BFAR: variants seen among roughly 807,000 people sequenced by gnomAD.
BFAR encodes bifunctional apoptosis regulator, also known as RING finger protein 47.
BFAR carries 52 observed loss-of-function variants against 54.4 expected under a neutral mutation model. That is an observed-to-expected ratio of 0.96 (90% CI 0.77 to 1.21). BFAR has a LOEUF of 1.21. BFAR is among the 50% of genes most tolerant of loss of function. The pLI is 0.00. For synonymous variants in BFAR, 215 were observed against 204.3 expected, an observed-to-expected ratio of 1.05 and a Z score of -0.45; for missense variants, 571 against 534.0, an observed-to-expected ratio of 1.07 and a Z score of -0.68.
intron 2 of BFAR, among the ~76,000 whole-genome samples, chr16:14,646,232 T>C (rs1244299284): frequency 6.6e-6 from 1 of 152,112 alleles, no homozygotes; most frequent in East Asian, 1.9e-4. Context: ...TTTGTATTTT[T>C]AGTAGAGACG....
At position 14,667,906 on chromosome 16, in the gene BFAR, C is replaced by T. The variant is rs1960490047; in HGVS notation, c.*79C>T. 9.1e-6 allele frequency: 13 copies of T among 1,421,816 alleles called. No homozygotes were observed. The highest frequency in any genetic ancestry group is 7.5e-5 in the South Asian group (6 of 80,058). The allele number at this position is 1,421,816 out of a possible 1,614,324, so 88.1% of individuals were successfully genotyped here. A position where few individuals can be genotyped will look rare whatever the true frequency, so the allele number is the denominator to read the frequency against. On this transcript the variant is annotated 3_prime_UTR_variant, in exon 8 of 8. Transcript: ENST00000261658. ...TGCTTAAGAGGGGTGAGGCAGGGAGCGGACTTCCTATTTTCTACCCTCAGT... is the reference window on the plus strand; with the variant it reads ...TGCTTAAGAGGGGTGAGGCAGGGAGTGGACTTCCTATTTTCTACCCTCAGT...
chr16:14,636,730 A>G (rs1035952668), intron 1 of BFAR, among the ~76,000 whole-genome samples: 9 of 152,182 alleles, frequency 5.9e-5, no homozygotes, highest in African/African-American at 1.9e-4. Context: ...TCCCTTCCCA[A>G]GAGGCCATAT....
At chr16:14,639,313 CT>C (rs1031075704) in intron 1 of BFAR, among the ~76,000 whole-genome samples, 77 of 145,716 alleles carry the variant, frequency 5.3e-4, no homozygotes, top group African/African-American at 5.5e-4. Context: ...GAAATAAGTT[CT>C]TTTTTTTTTT....
At chr16:14,659,243 TGTTTTTTG>T (rs1320035385) in intron 5 of BFAR, among the ~76,000 whole-genome samples, 13 of 146,426 alleles carry the variant, frequency 8.9e-5, no homozygotes, top group Non-Finnish European at 1.5e-4. Flanking sequence ...TGTTTTTTTT[TGTTTTTTG>T]TTTTTTTTTG....
In BFAR at chr16:14,668,304, A is replaced by C. The variant is rs886216072; in HGVS notation, c.*477A>C. The C allele has an allele frequency of 6.3e-6, 1 of 159,138 alleles. No individual in the cohort carries two copies. Among genetic ancestry groups the C allele is most frequent in the Non-Finnish European group, 1.4e-5 (1 of 72,568 alleles). The allele number at this position is 159,138 out of a possible 1,614,324, so 9.9% of individuals were successfully genotyped here. A position where few individuals can be genotyped will look rare whatever the true frequency, so the allele number is the denominator to read the frequency against. On this transcript the variant is annotated 3_prime_UTR_variant, in exon 8 of 8. Coordinates refer to ENST00000261658, the MANE Select transcript of BFAR (RefSeq NM_016561.3). ...AAGGATAAGATTCTGTCATAGGCAT[A>C]GAGAGTTGCACATAAAAAATACCGA...
intron 2 of BFAR, among the ~76,000 whole-genome samples, chr16:14,645,982 C>T (rs1959783273): frequency 1.3e-5 from 2 of 152,196 alleles, no homozygotes; most frequent in Non-Finnish European, 2.9e-5. Context: ...GATTCTCCTG[C>T]CTCAGCCTCT....
At chr16:14,640,341 T>C (rs1160520347) in intron 1 of BFAR, among the ~76,000 whole-genome samples, 1 of 151,976 alleles carries the variant, frequency 6.6e-6, no homozygotes, top group Non-Finnish European at 1.5e-5. Context: ...AGAACTGAAA[T>C]GGACAGGTGG....
chr16:14,641,547 T>A (rs1959627392), intron 1 of BFAR, among the ~76,000 whole-genome samples: 1 of 120,670 alleles, frequency 8.3e-6, no homozygotes, highest in African/African-American at 2.9e-5. Flanking sequence ...TGAGACTCCA[T>A]CTCAAAAAAA....
chr16:14,652,446 A>G (rs1959998123), intron 4 of BFAR, among the ~76,000 whole-genome samples: 1 of 151,090 alleles, frequency 6.6e-6, no homozygotes, highest in East Asian at 2.0e-4. Context: ...ATGCGTGGCT[A>G]ATTTTTGTAT....
intron 5 of BFAR, among the ~76,000 whole-genome samples, chr16:14,660,418 C>A (rs960893820): frequency 6.6e-6 from 1 of 151,866 alleles, no homozygotes; most frequent in Non-Finnish European, 1.5e-5. Flanking sequence ...TCCCGAGTAG[C>A]TGGGATTACA....
chr16:14,648,503 A>G lies in BFAR; in HGVS notation c.379A>G (p.Ile127Val), dbSNP rs1189736843. The G allele has an allele frequency of 6.2e-7, 1 of 1,613,896 alleles. No individual in the cohort carries two copies. The highest frequency in any genetic ancestry group is 8.5e-7 in the Non-Finnish European group (1 of 1,179,832). ...CTTTCAGAAATATGGGAATGATCAG[A>G]TTCCTTTAGCTCCTAACACAGGCCG... is the stretch of plus-strand genomic sequence containing the variant. ...AAFQKYGNDQ[I>V]PLAPNTGRAN... The change falls in exon 3 of 8, where the codon ATT becomes GTT. Residue 127 changes from isoleucine (I) to valine (V), a missense_variant. Coordinates refer to ENST00000261658, the MANE Select transcript of BFAR (RefSeq NM_016561.3).
chr16:14,659,238 T>TG (rs1960219048), intron 5 of BFAR, among the ~76,000 whole-genome samples: 1 of 148,822 alleles, frequency 6.7e-6, no homozygotes, highest in Non-Finnish European at 1.5e-5. Flanking sequence ...TTTTTTGTTT[T>TG]TTTTTGTTTT....
At chr16:14,645,159 T>C (rs1473951549) in intron 2 of BFAR, among the ~76,000 whole-genome samples, 2 of 151,818 alleles carry the variant, frequency 1.3e-5, no homozygotes, top group South Asian at 4.2e-4. Context: ...ATAGAAAGTT[T>C]TAAAAATTAG....
intron 5 of BFAR, among the ~76,000 whole-genome samples, chr16:14,657,789 G>A (rs1002100648): frequency 5.3e-5 from 8 of 151,538 alleles, no homozygotes; most frequent in East Asian, 1.9e-4. Flanking sequence ...TGATCTGCCC[G>A]CCTCAGCCTC....
intron 5 of BFAR, among the ~76,000 whole-genome samples, chr16:14,656,151 G>A (rs137859133): frequency 1.3e-5 from 2 of 151,842 alleles, no homozygotes; most frequent in Non-Finnish European, 2.9e-5. Flanking sequence ...TGCGGTAGCC[G>A]AGATCACACC....
At position 14,648,436 on chromosome 16, in the gene BFAR, A is replaced by C; in HGVS notation, c.312A>C (p.Glu104Asp). The C allele has an allele frequency of 1.2e-6, 2 of 1,613,912 alleles. No homozygotes were observed. Among genetic ancestry groups the C allele is most frequent in the Non-Finnish European group, 1.7e-6 (2 of 1,179,754 alleles). Residue 104 changes from glutamate (E) to aspartate (D), a missense_variant, in exon 3 of 8, where the codon GAA becomes GAC. By Grantham distance (45) the Glu-to-Asp change is conservative. Transcript: ENST00000261658. ...CTGATGCCATTAGACTGAGATTTGA[A>C]GACATTCAGCAGAATAATGACATAG... is the stretch of plus-strand genomic sequence containing the variant. ...LFPDAIRLRF[E>D]DIQQNNDIVQ...
At chr16:14,654,934 T>A (rs1960079041) in intron 4 of BFAR, 132 bp from the exon 5 acceptor site, 1 of 923,738 alleles carries the variant, frequency 1.1e-6, no homozygotes, top group Non-Finnish European at 1.6e-6. Context: ...CTGCTCTTGA[T>A]GTTGTTAAAT....
Position 14,655,161 on chromosome 16 carries a change from G to T in BFAR, c.734G>T (p.Arg245Leu), listed in dbSNP as rs35377618. 4.7e-5 allele frequency: 75 copies of T among 1,601,288 alleles called. No individual in the cohort carries two copies. In the Middle Eastern group the frequency reaches 2.3e-3, roughly 50 times the overall value. The change falls in exon 5 of 8, where the codon CGT becomes CTT. Residue 245 changes from arginine (R) to leucine (L), a missense_variant. Transcript: ENST00000261658. ...AGAGCCATCCTCATGGAGCTAGAACGTGTCAAAGCATTAGGCGTGAAGCCC... is the reference window on the plus strand; with the variant it reads ...AGAGCCATCCTCATGGAGCTAGAACTTGTCAAAGCATTAGGCGTGAAGCCC... ...HRRAILMELE[R>L]VKALGVKPPQ...
rs181051876 is a variant in BFAR at position 14,668,710 on chromosome 16, A to G, written c.*883A>G. The G allele has an allele frequency of 2.2e-4, 34 of 154,660 alleles. No individual in the cohort carries two copies. Among genetic ancestry groups the G allele is most frequent in the Admixed American group, 2.1e-3 (33 of 15,424 alleles). 9.6% of individuals were successfully genotyped at this position (154,660 alleles called of 1,614,324 possible). A position where few individuals can be genotyped will look rare whatever the true frequency, so the allele number is the denominator to read the frequency against. ...AAAATACAAAAATTAGCCAAGTGTG[A>G]TGGCACATACCTGTAATCCCAGCTA... is the stretch of plus-strand genomic sequence containing the variant. On this transcript the variant is annotated 3_prime_UTR_variant, in exon 8 of 8. Coordinates refer to ENST00000261658, the MANE Select transcript of BFAR (RefSeq NM_016561.3).
Sources: gnomAD v4.1 joint callset for allele counts (sites outside exome capture counted in the v4.1 genomes callset) on GRCh38, gnomAD v4.1.1 for gene constraint, MANE v1.5 for transcripts, NCBI Gene and HGNC (gene_info 2026-07-23, HGNC 2026-07-21) for gene names.